Variants in GRIK5 observed in about 807,000 individuals in gnomAD.
GRIK5 encodes the protein glutamate receptor ionotropic, kainate 5.
A neutral mutation model predicts 97.4 loss-of-function variants in GRIK5; 43 were observed. The observed-to-expected ratio is 0.44, with a 90% CI of 0.35 to 0.57. The LOEUF (loss-of-function observed/expected upper bound fraction) is 0.57. Ranked by LOEUF, GRIK5 falls within the 20% of genes least tolerant of loss-of-function variation. The pLI is 0.01. For missense variants in GRIK5, 1,015 were observed against 1,382.0 expected (o/e 0.73, Z 4.21); for synonymous variants, 580 against 583.5 (o/e 0.99, Z 0.09).
At chr19:42,066,425 G>A (rs2076333033) in intron 1 of GRIK5, among the ~76,000 whole-genome samples, 1 of 149,832 alleles carries the variant, frequency 6.7e-6, no homozygotes, top group South Asian at 2.1e-4. Context: ...AGAGAGAGAG[G>A]CACACACAGA....
At chr19:42,057,941 T>G (rs2076209152) in intron 6 of GRIK5, among the ~76,000 whole-genome samples, 1 of 152,112 alleles carries the variant, frequency 6.6e-6, no homozygotes, top group Non-Finnish European at 1.5e-5. Context: ...GGCACCAGCT[T>G]GCATTTCCTG....
At chr19:42,054,225 C>A (rs780990693) in intron 9 of GRIK5, 95 bp downstream of exon 9, 49 of 1,335,266 alleles carry the variant, frequency 3.7e-5, no homozygotes, top group Non-Finnish European at 4.6e-5. Context: ...GTGGGAAGAG[C>A]AGGGAGGGCA....
intron 15 of GRIK5, among the ~76,000 whole-genome samples, chr19:42,009,028 A>G (rs2075527290): frequency 6.6e-6 from 1 of 151,956 alleles, no homozygotes; most frequent in Non-Finnish European, 1.5e-5. Flanking sequence ...GGACTTTGAG[A>G]TAAGCCTGGT....
At chr19:42,057,008 G>GC in intron 6 of GRIK5, 30 bp from the exon 7 acceptor site, 1 of 1,528,466 alleles carries the variant, frequency 6.5e-7, no homozygotes. Flanking sequence ...AAGAGGCAGA[G>GC]TGAGAGACAG....
chr19:42,021,423 G>A lies in GRIK5; in HGVS notation c.1749C>T (p.Pro583=). 1 of 1,609,522 alleles carries A rather than the reference G, an allele frequency of 6.2e-7. No individual in the cohort carries two copies. The highest frequency in any genetic ancestry group is 8.5e-7 in the Non-Finnish European group (1 of 1,177,230). The change falls in exon 15 of 20, where the codon CCC becomes CCT. Residue 583 remains proline (P), a synonymous_variant. Coordinates refer to ENST00000593562, the MANE Select transcript of GRIK5 (RefSeq NM_002088.5). The surrounding 1 kb of genome is among the most constrained non-coding windows in gnomAD (Gnocchi z 4.2). ...YNPHPCLRAR[P]HILENQYTLG... Reference sequence around the variant, plus strand: ...GCGTGTACTGGTTCTCCAGGATGTGGGGGCGTGCCCGCAGGCATGGGTGTG... The same window carrying A: ...GCGTGTACTGGTTCTCCAGGATGTGAGGGCGTGCCCGCAGGCATGGGTGTG...
chr19:41,999,178 G>A lies in GRIK5; in HGVS notation c.2636C>T (p.Ala879Val). 6.6e-7 allele frequency: 1 copy of A among 1,509,432 alleles called. No individual in the cohort carries two copies. Among genetic ancestry groups the A allele is most frequent in the South Asian group, 1.2e-5 (1 of 81,850 alleles). The allele number at this position is 1,509,432 out of a possible 1,614,324, so 93.5% of individuals were successfully genotyped here. A position where few individuals can be genotyped will look rare whatever the true frequency, so the allele number is the denominator to read the frequency against. ...GTTGCTGAGGCGCATCTCGCGGACC[G>A]CGCGCAGTGACAGCAGGGCCCGGCT... ...GPSRALLSLR[A>V]VREMRLSNGK... Residue 879 changes from alanine (A) to valine (V), a missense_variant, in exon 20 of 20, where the codon GCG (alanine) becomes GTG (valine). Around this residue, in one of 5 missense-constraint regions of GRIK5, gnomAD observed 229 missense variants for 341.0 expected, o/e 0.67. Transcript: ENST00000593562. The surrounding 1 kb of genome is among the most constrained non-coding windows in gnomAD (Gnocchi z 5.0).
At chr19:42,009,650 C>T (rs1190671780) in intron 15 of GRIK5, among the ~76,000 whole-genome samples, 1 of 151,656 alleles carries the variant, frequency 6.6e-6, no homozygotes, top group Non-Finnish European at 1.5e-5. Context: ...TGCCTGTAAT[C>T]CCAGTTACTC....
chr19:42,047,832 G>A (rs554710229), intron 11 of GRIK5, among the ~76,000 whole-genome samples: 117 of 151,930 alleles, frequency 7.7e-4, no homozygotes, highest in Middle Eastern at 3.4e-3. Flanking sequence ...TCAGCCAGGC[G>A]TGGTGGTGGG....
chr19:42,006,485 G>A lies in GRIK5; in HGVS notation c.2037+160C>T, dbSNP rs938844499. Among the ~76,000 whole-genome samples the A allele has an allele frequency of 4.6e-5, 7 of 152,160 alleles. No homozygotes were observed. The highest frequency in any genetic ancestry group is 1.9e-4 in the East Asian group (1 of 5,178). ...CCCAGTTCCCTAGCCAGCCAGCTGC[G>A]AGCCCCATGACAGCACATGTGTGTT... is the stretch of plus-strand genomic sequence containing the variant. On this transcript the variant is annotated intron_variant, in intron 16 of 19. Transcript: ENST00000593562. The surrounding 1 kb of genome is among the most constrained non-coding windows in gnomAD (Gnocchi z 5.3).
Position 42,022,145 on chromosome 19 carries a change from C to A in GRIK5, c.1588-89G>T, listed in dbSNP as rs893758121. The stretch of plus-strand genomic sequence containing the variant: ...CCTACCAGGGACCTGGGAGCCTGAC[C>A]GGCCCATCTGAGGTCCTGGGGCTGT... On this transcript the variant is annotated intron_variant, in intron 13 of 19. Coordinates refer to ENST00000593562, the MANE Select transcript of GRIK5 (RefSeq NM_002088.5). The surrounding 1 kb of genome is among the most constrained non-coding windows in gnomAD (Gnocchi z 4.2). The A allele has an allele frequency of 7.2e-7, 1 of 1,389,292 alleles. No individual in the cohort carries two copies. The highest frequency in any genetic ancestry group is 1.4e-5 in the African/African-American group (1 of 70,466). 86.1% of individuals were successfully genotyped at this position (1,389,292 alleles called of 1,614,324 possible). A position where few individuals can be genotyped will look rare whatever the true frequency, so the allele number is the denominator to read the frequency against.
chr19:42,052,985 A>G (rs980650901), intron 11 of GRIK5, among the ~76,000 whole-genome samples: 1 of 152,264 alleles, frequency 6.6e-6, no homozygotes, highest in African/African-American at 2.4e-5. Context: ...AGGGCCTAGC[A>G]CAGTGCCCGG....
chr19:42,065,195 C>A lies in GRIK5; in HGVS notation c.244+28G>T. On this transcript the variant is annotated intron_variant, in intron 3 of 19. Coordinates refer to ENST00000593562, the MANE Select transcript of GRIK5 (RefSeq NM_002088.5). This position sits in a 1 kb window ranked among gnomAD's most constrained non-coding sequence, Gnocchi z 5.8. ...TGAGGGCCACCGACCTGCCCTGCCT[C>A]ACCCCACGCCCCCATGGCCCCGCTC... The A allele has an allele frequency of 6.3e-7, 1 of 1,588,932 alleles. No individual in the cohort carries two copies. Among genetic ancestry groups the A allele is most frequent in the South Asian group, 1.1e-5 (1 of 88,872 alleles).
Position 42,065,111 on chromosome 19 carries a change from G to A in GRIK5, c.244+112C>T. 3.4e-6 allele frequency: 3 copies of A among 888,138 alleles called. No individual in the cohort carries two copies. Among genetic ancestry groups the A allele is most frequent in the Middle Eastern group, 3.5e-4 (1 of 2,886 alleles). 55.0% of individuals were successfully genotyped at this position (888,138 alleles called of 1,614,324 possible). A position where few individuals can be genotyped will look rare whatever the true frequency, so the allele number is the denominator to read the frequency against. On this transcript the variant is annotated intron_variant, in intron 3 of 19. Coordinates refer to ENST00000593562, the MANE Select transcript of GRIK5 (RefSeq NM_002088.5). This position sits in a 1 kb window ranked among gnomAD's most constrained non-coding sequence, Gnocchi z 5.8. ...AGGCAGAGACAAACACAAAGAAGGG[G>A]GAGGATGGAGCTAGAAGAGGACAAG...
rs1442912446 is a variant in GRIK5 at position 42,044,592 on chromosome 19, C to T, written c.1270-1837G>A. On this transcript the variant is annotated intron_variant, in intron 11 of 19. Coordinates refer to ENST00000593562, the MANE Select transcript of GRIK5 (RefSeq NM_002088.5). The stretch of plus-strand genomic sequence containing the variant: ...CTAAATGGTTGTTTGTACAATGTCA[C>T]TTTGGAATAATGAACAAAAGGACTT... Among the ~76,000 whole-genome samples, 5 of 152,300 alleles carry T rather than the reference C, an allele frequency of 3.3e-5. No homozygotes were observed. In the South Asian group the frequency reaches 6.2e-4, roughly 19 times the overall value.
At chr19:42,036,000 A>G (rs1026968355) in intron 12 of GRIK5, among the ~76,000 whole-genome samples, 1 of 152,236 alleles carries the variant, frequency 6.6e-6, no homozygotes, top group Non-Finnish European at 1.5e-5. Flanking sequence ...AATATGTTTT[A>G]TAACCGGAAA....
chr19:41,999,952 C>G lies in GRIK5; in HGVS notation c.2515-653G>C, dbSNP rs141310414. On this transcript the variant is annotated intron_variant, in intron 19 of 19. Coordinates refer to ENST00000593562, the MANE Select transcript of GRIK5 (RefSeq NM_002088.5). This position sits in a 1 kb window ranked among gnomAD's most constrained non-coding sequence, Gnocchi z 5.0. ...GATCCTTAAATAAAGACAGGGTGAG[C>G]CACTGGAGACCTGGGAAGCCAGCCT... Among the ~76,000 whole-genome samples the G allele has an allele frequency of 6.6e-6, 1 of 152,298 alleles. No individual in the cohort carries two copies. The highest frequency in any genetic ancestry group is 1.5e-5 in the Non-Finnish European group (1 of 68,026).
intron 12 of GRIK5, among the ~76,000 whole-genome samples, chr19:42,025,334 C>T (rs1021414488): frequency 6.6e-6 from 1 of 152,134 alleles, no homozygotes; most frequent in Non-Finnish European, 1.5e-5. Context: ...GATTCGGAAC[C>T]ACTCCCCTCC....
intron 12 of GRIK5, among the ~76,000 whole-genome samples, chr19:42,030,781 TCCAGACTGGACCCTG>T (rs1016204817): frequency 1.2e-4 from 18 of 152,092 alleles, no homozygotes; most frequent in African/African-American, 2.4e-4. Flanking sequence ...CTGTTTTGTA[TCCAGACTGGACCCTG>T]CCAGACTGGA....
chr19:42,067,397 C>T (rs577768610), intron 1 of GRIK5, among the ~76,000 whole-genome samples: 1 of 152,238 alleles, frequency 6.6e-6, no homozygotes, highest in East Asian at 1.9e-4. Context: ...GAAGAGAGTG[C>T]TAGGTGGGAG....
Sources: allele counts gnomAD v4.1 joint callset (sites outside exome capture counted in the v4.1 genomes callset), GRCh38; gene constraint gnomAD v4.1.1; regional missense constraint gnomAD v4.1.1; non-coding constraint Gnocchi (gnomAD v3.1); transcripts MANE v1.5; gene names NCBI Gene and HGNC (gene_info 2026-07-23, HGNC 2026-07-21).